The following PLN variants were observed in gnomAD, a reference collection of about 807,000 sequenced individuals.
The protein encoded by PLN is cardiac phospholamban.
Under a neutral mutation model 3.9 loss-of-function variants are expected in PLN, and 1 was observed. The ratio of observed to expected loss-of-function variants is 0.26; its 90% confidence interval spans 0.09 to 1.23. PLN has a LOEUF of 1.23. Ranked by LOEUF, PLN falls within the 50% of genes most tolerant of loss-of-function variation. The pLI, the probability that PLN is intolerant of heterozygous loss-of-function variation, is 0.48. For synonymous variants in PLN, 21 were observed against 20.5 expected (o/e 1.02, Z -0.07); for missense variants, 59 against 62.7 (o/e 0.94, Z 0.20).
chr6:118,554,988 C>A (rs995260747), intron 1 of PLN, among the ~76,000 whole-genome samples: 9 of 152,326 alleles, frequency 5.9e-5, no homozygotes, highest in African/African-American at 2.2e-4. Context: ...CCTCCTTTCC[C>A]ATGTTTTGTC....
In PLN at chr6:118,561,244, T is replaced by G. The variant is rs1021609745; in HGVS notation, c.*2164T>G. Among the ~76,000 whole-genome samples the G allele has an allele frequency of 2.6e-5, 4 of 152,206 alleles. No individual in the cohort carries two copies. The highest frequency in any genetic ancestry group is 7.2e-5 in the African/African-American group (3 of 41,452). ...ACAGGTGATACACTCACCTCACTGG[T>G]TTTAGTAAATTACCAATACAGAAAG... On this transcript the variant is annotated 3_prime_UTR_variant, in exon 2 of 2. Coordinates refer to ENST00000357525, the MANE Select transcript of PLN (RefSeq NM_002667.5).
chr6:118,559,272 A>C lies in PLN; in HGVS notation c.*192A>C, dbSNP rs1224182535. 2 of 608,300 alleles carry C rather than the reference A, an allele frequency of 3.3e-6. No homozygotes were observed. Among genetic ancestry groups the C allele is most frequent in the Non-Finnish European group, 6.0e-6 (2 of 331,672 alleles). 37.7% of individuals were successfully genotyped at this position (608,300 alleles called of 1,614,324 possible). A position where few individuals can be genotyped will look rare whatever the true frequency, so the allele number is the denominator to read the frequency against. ...CATCTGTTGGATCTTGTAAACATGA[A>C]AAGGGCTTTATTTTCAAAAATTAAC... On this transcript the variant is annotated 3_prime_UTR_variant, in exon 2 of 2. Coordinates refer to ENST00000357525, the MANE Select transcript of PLN (RefSeq NM_002667.5).
intron 1 of PLN, among the ~76,000 whole-genome samples, chr6:118,555,881 T>C (rs1257093301): frequency 1.3e-5 from 2 of 152,192 alleles, no homozygotes; most frequent in African/African-American, 4.8e-5. Flanking sequence ...TGCTCCCACC[T>C]GTAAGTGAGA....
intron 1 of PLN, among the ~76,000 whole-genome samples, chr6:118,554,002 ATTGT>A (rs1294838586): frequency 6.6e-6 from 1 of 152,174 alleles, no homozygotes; most frequent in African/African-American, 2.4e-5. Context: ...TATTTTTAAA[ATTGT>A]TTAACTTATT....
At chr6:118,558,677 A>C (rs1779042596) in intron 1 of PLN, 148 bp from the exon 2 acceptor site, 1 of 528,848 alleles carries the variant, frequency 1.9e-6, no homozygotes, top group Non-Finnish European at 3.4e-6. Context: ...AGAGAGAGAG[A>C]GAGAGAGAGA....
chr6:118,555,937 T>C (rs1201830573), intron 1 of PLN, among the ~76,000 whole-genome samples: 1 of 152,212 alleles, frequency 6.6e-6, no homozygotes, highest in Non-Finnish European at 1.5e-5. Context: ...TTGCTAGGGA[T>C]AATGACCTCC....
intron 1 of PLN, among the ~76,000 whole-genome samples, chr6:118,549,680 T>C (rs1189854291): frequency 6.6e-6 from 1 of 151,854 alleles, no homozygotes; most frequent in Admixed American, 6.6e-5. Context: ...TGATAGTACA[T>C]AAAAGTCATT....
chr6:118,556,756 T>C (rs1778903006), intron 1 of PLN, among the ~76,000 whole-genome samples: 1 of 152,226 alleles, frequency 6.6e-6, no homozygotes, highest in East Asian at 1.9e-4. Flanking sequence ...AGTTAATTAC[T>C]GACTTTTTTT....
intron 1 of PLN, among the ~76,000 whole-genome samples, chr6:118,551,657 A>C (rs893503592): frequency 1.3e-5 from 2 of 152,044 alleles, no homozygotes; most frequent in Non-Finnish European, 2.9e-5. Flanking sequence ...ACAGAGCTTT[A>C]ACATGAGAAG....
At position 118,559,261 on chromosome 6, in the gene PLN, T is replaced by G; in HGVS notation, c.*181T>G. The stretch of plus-strand genomic sequence containing the variant: ...CCATATGTATTCATCTGTTGGATCT[T>G]GTAAACATGAAAAGGGCTTTATTTT... On this transcript the variant is annotated 3_prime_UTR_variant, in exon 2 of 2. Transcript: ENST00000357525. 3.1e-6 allele frequency: 2 copies of G among 639,616 alleles called. No individual in the cohort carries two copies. The highest frequency in any genetic ancestry group is 5.7e-6 in the Non-Finnish European group (2 of 348,254). 39.6% of individuals were successfully genotyped at this position (639,616 alleles called of 1,614,324 possible). A position where few individuals can be genotyped will look rare whatever the true frequency, so the allele number is the denominator to read the frequency against.
intron 1 of PLN, among the ~76,000 whole-genome samples, chr6:118,555,896 G>A (rs565551155): frequency 6.6e-6 from 1 of 151,628 alleles, no homozygotes; most frequent in South Asian, 2.1e-4. Flanking sequence ...GTGAGAACCT[G>A]TGGTATTTGG....
In PLN at chr6:118,560,487, AAG is replaced by A. The variant is rs1483577179; in HGVS notation, c.*1411_*1412del. 6.0e-6 allele frequency: 1 copy of A among 166,970 alleles called. No individual in the cohort carries two copies. Among genetic ancestry groups the A allele is most frequent in the Non-Finnish European group, 1.5e-5 (1 of 68,116 alleles). 10.3% of individuals were successfully genotyped at this position (166,970 alleles called of 1,614,324 possible). On this transcript the variant is annotated 3_prime_UTR_variant, in exon 2 of 2. Coordinates refer to ENST00000357525, the MANE Select transcript of PLN (RefSeq NM_002667.5). ...GCAGAGGAGGAGAAAGATGGGGAGGAAGAGAAGGCGTTGGTCTTGCAGTCTTG... is the reference window on the plus strand; with the variant it reads ...GCAGAGGAGGAGAAAGATGGGGAGGAAGAAGGCGTTGGTCTTGCAGTCTTG...
intron 1 of PLN, among the ~76,000 whole-genome samples, chr6:118,550,965 A>G (rs1778506896): frequency 6.6e-6 from 1 of 151,844 alleles, no homozygotes; most frequent in South Asian, 2.1e-4. Flanking sequence ...CTGGAAGGCA[A>G]AATTCAAACT....
chr6:118,558,781 G>T lies in PLN; in HGVS notation c.-97-44G>T, dbSNP rs1779054422. 6 of 706,354 alleles carry T rather than the reference G, an allele frequency of 8.5e-6. No homozygotes were observed. In the South Asian group the frequency reaches 9.1e-5, roughly 11 times the overall value. The allele number at this position is 706,354 out of a possible 1,614,324, so 43.8% of individuals were successfully genotyped here. On this transcript the variant is annotated intron_variant, in intron 1 of 1. Coordinates refer to ENST00000357525, the MANE Select transcript of PLN (RefSeq NM_002667.5). ...ATTGTATTTTTTGTTCTGAGGATAGGTTACATAGATGATTCTAATCCATTT... is the reference window on the plus strand; with the variant it reads ...ATTGTATTTTTTGTTCTGAGGATAGTTTACATAGATGATTCTAATCCATTT...
At position 118,561,691 on chromosome 6, in the gene PLN, T is replaced by C. The variant is rs747130770; in HGVS notation, c.*2611T>C. 6.6e-6 allele frequency among the ~76,000 whole-genome samples: 1 copy of C among 152,144 alleles called. No homozygotes were observed. Among genetic ancestry groups the C allele is most frequent in the Non-Finnish European group, 1.5e-5 (1 of 68,004 alleles). On this transcript the variant is annotated 3_prime_UTR_variant, in exon 2 of 2. Coordinates refer to ENST00000357525, the MANE Select transcript of PLN (RefSeq NM_002667.5). ...TTTAATGCAAATCAGAATCACTATA[T>C]TAAAATGAATGTTCTTGAAAACTCA...
At chr6:118,554,270 G>A (rs907974921) in intron 1 of PLN, among the ~76,000 whole-genome samples, 15 of 152,092 alleles carry the variant, frequency 9.9e-5, no homozygotes, top group African/African-American at 3.6e-4. Context: ...CTGGGTGACA[G>A]AGCAAGACCC....
intron 1 of PLN, among the ~76,000 whole-genome samples, chr6:118,549,956 T>C (rs1051835011): frequency 2.6e-5 from 4 of 151,882 alleles, no homozygotes; most frequent in African/African-American, 9.7e-5. Context: ...GTACCATACA[T>C]TGTGTCCCAA....
chr6:118,551,254 T>C (rs1412662295), intron 1 of PLN, among the ~76,000 whole-genome samples: 5 of 151,866 alleles, frequency 3.3e-5, no homozygotes, highest in African/African-American at 1.2e-4. Context: ...ATGTACAGCA[T>C]ACTCATAGTC....
rs1276560137 is a variant in PLN, at chr6:118,556,513, G to A, written c.-97-2312G>A. 3.6e-4 allele frequency among the ~76,000 whole-genome samples: 54 copies of A among 152,026 alleles called. 1 individual carries two copies. Among genetic ancestry groups the A allele is most frequent in the Admixed American group, 3.5e-3 (54 of 15,272 alleles). On this transcript the variant is annotated intron_variant, in intron 1 of 1. Coordinates refer to ENST00000357525, the MANE Select transcript of PLN (RefSeq NM_002667.5). ...GGTTTCTTTGCCAAAGTAAATGCCG[G>A]GTTCTAACTAGTCATGCCTGATACT...
Sources: gnomAD v4.1 joint callset for allele counts (sites outside exome capture counted in the v4.1 genomes callset) on GRCh38, gnomAD v4.1.1 for gene constraint, MANE v1.5 for transcripts, NCBI Gene and HGNC (gene_info 2026-07-23, HGNC 2026-07-21) for gene names.